The following OSBPL9 variants were observed in gnomAD, a reference collection of about 807,000 sequenced individuals.
OSBPL9 encodes the protein oxysterol binding protein like 9.
OSBPL9 carries 40 observed loss-of-function variants against 106.6 expected under a neutral mutation model. The observed-to-expected ratio is 0.38, with a 90% CI of 0.29 to 0.49. The LOEUF (loss-of-function observed/expected upper bound fraction) is 0.49. Among genes scored for constraint, OSBPL9 ranks in the 20% least tolerant of loss-of-function variants. OSBPL9 has a pLI of 0.97. For missense variants in OSBPL9, 609 were observed against 887.2 expected (o/e 0.69, Z 3.98); for synonymous variants, 269 against 295.4 (o/e 0.91, Z 0.92).
chr1:51,568,347 G>C, the OSBPL9 span, among the ~76,000 whole-genome samples: 1 of 152,148 alleles, frequency 6.6e-6, no homozygotes, highest in African/African-American at 2.4e-5. Context: ...TTGTGGCTCA[G>C]AACAGTTAAG....
upstream of OSBPL9, among the ~76,000 whole-genome samples, chr1:51,575,501 G>A (rs1203642141): frequency 3.3e-5 from 5 of 151,772 alleles, no homozygotes; most frequent in Admixed American, 6.6e-5. Flanking sequence ...GTGAGCCACC[G>A]TGCCCAGCCC....
chr1:51,767,947 T>TG (rs1672946419), intron 12 of OSBPL9, among the ~76,000 whole-genome samples: 2 of 135,912 alleles, frequency 1.5e-5, no homozygotes, highest in East Asian at 4.2e-4. Context: ...TTTTTTTTTT[T>TG]TTTTTTTTTT....
the OSBPL9 span, among the ~76,000 whole-genome samples, chr1:51,533,427 G>A: frequency 7.1e-3 from 1,065 of 150,520 alleles, 8 homozygotes; most frequent in African/African-American, 0.025. Flanking sequence ...CGGAGGTTTC[G>A]GTGAGTGGAA....
intron 2 of OSBPL9, among the ~76,000 whole-genome samples, chr1:51,663,683 A>G (rs1165089484): frequency 2.0e-5 from 3 of 152,228 alleles, no homozygotes; most frequent in African/African-American, 7.2e-5. Context: ...CTTCATCAAA[A>G]GATATCATTA....
At chr1:51,762,218 C>A (rs1158730833) in intron 11 of OSBPL9, among the ~76,000 whole-genome samples, 3 of 152,122 alleles carry the variant, frequency 2.0e-5, no homozygotes, top group Non-Finnish European at 4.4e-5. Context: ...GGGTCTCACT[C>A]TGTCATTCAG....
At chr1:51,520,208 T>C in the OSBPL9 span, among the ~76,000 whole-genome samples, 10 of 152,194 alleles carry the variant, frequency 6.6e-5, no homozygotes, top group Admixed American at 6.5e-4. Context: ...TTCAATATAT[T>C]TCTATATCGT....
At chr1:51,749,722 C>A in intron 7 of OSBPL9, 1 of 204,506 alleles carries the variant, frequency 4.9e-6, no homozygotes, top group South Asian at 7.3e-5. Context: ...CCATTTAGAG[C>A]CAAGCACGGT....
chr1:51,730,004 G>T, intron 4 of OSBPL9: 2 of 1,314,676 alleles, frequency 1.5e-6, no homozygotes, highest in Non-Finnish European at 2.0e-6. Flanking sequence ...CTTGCGGAGT[G>T]AGTAGACCCC....
At chr1:51,576,524 G>T (rs12069970), upstream of OSBPL9, among the ~76,000 whole-genome samples, 23,914 of 151,676 alleles carry the variant, frequency 0.16, 3,627 homozygotes, top group African/African-American at 0.4. Flanking sequence ...GGTTTTTTTG[G>T]GTTTTTTTGT....
the OSBPL9 span, among the ~76,000 whole-genome samples, chr1:51,530,189 A>AAAAAAAAAAAACAAAC: frequency 1.1e-5 from 1 of 94,072 alleles, no homozygotes; most frequent in South Asian, 2.7e-4. Flanking sequence ...AAAAAAAAAA[A>AAAAAAAAAAAACAAAC]AAACAAAAAA....
At chr1:51,580,606 C>G (rs1266836439) in intron 1 of OSBPL9, among the ~76,000 whole-genome samples, 1 of 151,834 alleles carries the variant, frequency 6.6e-6, no homozygotes, top group African/African-American at 2.4e-5. Flanking sequence ...TACAGAGAAC[C>G]TATGCTGTGC....
At chr1:51,742,521 T>C (rs1487487410) in intron 4 of OSBPL9, among the ~76,000 whole-genome samples, 1 of 148,876 alleles carries the variant, frequency 6.7e-6, no homozygotes, top group East Asian at 2.0e-4. Context: ...GTTTTTATTT[T>C]ATTGCGGAGA....
Position 51,784,716 on chromosome 1 carries a change from C to T in OSBPL9, c.1829+134C>T, listed in dbSNP as rs969927239. 13 of 1,081,058 alleles carry T rather than the reference C, an allele frequency of 1.2e-5. No individual in the cohort carries two copies. In the African/African-American group the frequency reaches 1.8e-4, roughly 15 times the overall value. 67.0% of individuals were successfully genotyped at this position (1,081,058 alleles called of 1,614,324 possible). On this transcript the variant is annotated intron_variant, in intron 20 of 23. Transcript: ENST00000428468. ...TAAGCGTGTTTCACATTTTATGTGT[C>T]ATGTCTTTTGCTGAAGTCCCATATC...
Position 51,772,661 on chromosome 1 carries a change from G to A in OSBPL9, c.1108G>A (p.Glu370Lys). 1.2e-6 allele frequency: 2 copies of A among 1,614,200 alleles called. No homozygotes were observed. The highest frequency in any genetic ancestry group is 2.2e-5 in the South Asian group (2 of 91,080). ...TGATGCGGAGGCAGGGTCTGTGGAG[G>A]AGCACAAGAGCGTTATCATGCATCT... ...DDDAEAGSVEEHKSVIMHLLS... is the reference protein window; with the variant it reads ...DDDAEAGSVEKHKSVIMHLLS... Residue 370 changes from glutamate (E) to lysine (K), a missense_variant, in exon 14 of 24, where the codon GAG (glutamate) becomes AAG (lysine). Around this residue, in one of 5 missense-constraint regions of OSBPL9, gnomAD observed 356 missense variants for 505.8 expected, o/e 0.70. Transcript: ENST00000428468.
At position 51,600,309 on chromosome 1, in the gene OSBPL9, G is replaced by A. The variant is rs114326336; in HGVS notation, c.-353+2116G>A. Among the ~76,000 whole-genome samples the A allele has an allele frequency of 7.2e-3, 1,100 of 152,254 alleles. 5 individuals carry two copies. The highest frequency in any genetic ancestry group is 0.011 in the Non-Finnish European group (736 of 68,024). ...ATATGTCTAATGAAAGAGATGTCAG[G>A]CTTAGAGGGTATGCCTCCTTGTTCT... On this transcript the variant is annotated intron_variant, in intron 2 of 25. Coordinates refer to the OSBPL9 transcript ENST00000371714.
the OSBPL9 span, among the ~76,000 whole-genome samples, chr1:51,525,647 C>T: frequency 3.3e-5 from 5 of 152,320 alleles, no homozygotes; most frequent in South Asian, 6.2e-4. Context: ...CCAGGTCTGA[C>T]CACTTTTCAC....
At chr1:51,616,003 G>GTTTTT (rs764823727), upstream of OSBPL9, among the ~76,000 whole-genome samples, 853 of 104,354 alleles carry the variant, frequency 8.2e-3, 11 homozygotes, top group African/African-American at 0.017. Context: ...AAATCCTTTG[G>GTTTTT]TTTTTTTTTT....
At chr1:51,712,250 A>C (rs1660192351) in intron 3 of OSBPL9, among the ~76,000 whole-genome samples, 2 of 152,332 alleles carry the variant, frequency 1.3e-5, no homozygotes, top group South Asian at 4.1e-4. Context: ...GTCTCCACCA[A>C]AACCAGTCAG....
chr1:51,635,673 G>C (rs1486582055), intron 1 of OSBPL9, among the ~76,000 whole-genome samples: 1 of 152,054 alleles, frequency 6.6e-6, no homozygotes, highest in Non-Finnish European at 1.5e-5. Flanking sequence ...CATCATGGCT[G>C]TGCTTAATTG....
Sources: allele counts gnomAD v4.1 joint callset (sites outside exome capture counted in the v4.1 genomes callset), GRCh38; gene constraint gnomAD v4.1.1; regional missense constraint gnomAD v4.1.1; transcripts MANE v1.5; gene names NCBI Gene and HGNC (gene_info 2026-07-23, HGNC 2026-07-21).